PRPF8: variants seen among roughly 807,000 people sequenced by gnomAD.
PRPF8 encodes the protein pre-mRNA-processing-splicing factor 8.
A neutral mutation model predicts 285.9 loss-of-function variants in PRPF8; 64 were observed. The observed-to-expected ratio is 0.22, with a 90% CI of 0.18 to 0.28. PRPF8 has a LOEUF of 0.28. PRPF8 is among the 10% of genes least tolerant of loss of function. The pLI, the probability that PRPF8 is intolerant of heterozygous loss-of-function variation, is 1.00. For synonymous variants in PRPF8, 1,325 were observed against 1,118.2 expected (o/e 1.18, Z -3.69); for missense variants, 1,426 against 3,026.7 (o/e 0.47, Z 12.41).
At position 1,656,505 on chromosome 17, in the gene PRPF8, G is replaced by A; in HGVS notation, c.5680C>T (p.Gln1894Ter). The A allele has an allele frequency of 6.2e-7, 1 of 1,614,190 alleles. No homozygotes were observed. Among genetic ancestry groups the A allele is most frequent in the Non-Finnish European group, 8.5e-7 (1 of 1,180,034 alleles). Residue 1894 changes from glutamine to a stop codon, truncating the protein, a stop_gained, in exon 36 of 43, where the codon CAG becomes TAG. Transcript: ENST00000304992. LOFTEE classifies it high-confidence loss of function. ...IKGSELQLPF[Q>*]ACLKVEKFGD... ...AATTTTTCCACCTTGAGACACGCCT[G>A]GAAAGGGAGTTGGAGCTCCGATCCT...
At chr17:1,681,443 C>A in intron 6 of PRPF8, 35 bp downstream of exon 6, 1 of 1,533,480 alleles carries the variant, frequency 6.5e-7, no homozygotes, top group Non-Finnish European at 9.0e-7. Flanking sequence ...TCATTCAACT[C>A]AAAATGTCTA....
intron 2 of PRPF8, 107 bp downstream of exon 2, chr17:1,684,365 A>C (rs942419939): frequency 1.8e-5 from 19 of 1,062,532 alleles, no homozygotes; most frequent in Non-Finnish European, 2.8e-5. Flanking sequence ...ATAACAAGGG[A>C]GCTGACACCT....
At chr17:1,682,769 C>A (rs1045592302) in intron 3 of PRPF8, among the ~76,000 whole-genome samples, 1 of 152,182 alleles carries the variant, frequency 6.6e-6, no homozygotes, top group African/African-American at 2.4e-5. Flanking sequence ...ACTTCCAGTT[C>A]ATTACATGGC....
Position 1,659,680 on chromosome 17 carries a change from G to GA in PRPF8, c.4947-133dup. On this transcript the variant is annotated intron_variant, in intron 31 of 42. Coordinates refer to ENST00000304992, the MANE Select transcript of PRPF8 (RefSeq NM_006445.4). This position sits in a 1 kb window ranked among gnomAD's most constrained non-coding sequence, Gnocchi z 5.1. ...TGTTCCAGGTCAGCAGGACCCCAGA[G>GA]AATCAGCAGATCTGACTAAGGGTGT... 1 of 1,367,914 alleles carries GA rather than the reference G, an allele frequency of 7.3e-7. No individual in the cohort carries two copies. Among genetic ancestry groups the GA allele is most frequent in the South Asian group, 1.2e-5 (1 of 81,906 alleles). The allele number at this position is 1,367,914 out of a possible 1,614,324, so 84.7% of individuals were successfully genotyped here.
At chr17:1,670,675 T>C (rs1249477183) in intron 24 of PRPF8, among the ~76,000 whole-genome samples, 1 of 152,140 alleles carries the variant, frequency 6.6e-6, no homozygotes, top group Non-Finnish European at 1.5e-5. Flanking sequence ...TAAGTAGAGA[T>C]GGGGTTTCCC....
Position 1,659,509 on chromosome 17 carries a change from A to C in PRPF8, c.4986T>G (p.Ile1662Met). The C allele has an allele frequency of 6.2e-7, 1 of 1,614,046 alleles. No homozygotes were observed. Among genetic ancestry groups the C allele is most frequent in the Non-Finnish European group, 8.5e-7 (1 of 1,180,002 alleles). Residue 1662 changes from isoleucine to methionine, a missense_variant, in exon 32 of 43, where the codon ATT becomes ATG. By Grantham distance (10) the Ile-to-Met change is conservative. Coordinates refer to ENST00000304992, the MANE Select transcript of PRPF8 (RefSeq NM_006445.4). The surrounding 1 kb of genome is among the most constrained non-coding windows in gnomAD (Gnocchi z 5.1). ...AGTCCCCCCAGCGCAACTGGATGTC[A>C]ATCCAGTATTTCTGGGTGGTGGTGC... ...MDSTTTQKYW[I>M]DIQLRWGDYD... is the part of the protein sequence containing the mutation.
rs886052621 is a variant in PRPF8 at position 1,684,802 on chromosome 17, G to A, written c.-34C>T. 10 of 599,186 alleles carry A rather than the reference G, an allele frequency of 1.7e-5. No homozygotes were observed. The highest frequency in any genetic ancestry group is 1.5e-4 in the Admixed American group (5 of 33,912). The allele number at this position is 599,186 out of a possible 1,614,324, so 37.1% of individuals were successfully genotyped here. On this transcript the variant is annotated 5_prime_UTR_variant, in exon 1 of 43. Transcript: ENST00000304992. ...CACCCCACAGGCCCTCACACAAGAG[G>A]CCGCTTTCCCCGCAGCGCAATGGCG...
Position 1,650,840 on chromosome 17 carries a change from C to T in PRPF8, c.6970G>A (p.Glu2324Lys). The change falls in exon 43 of 43, where the codon GAG (glutamate) becomes AAG (lysine). Residue 2324 changes from glutamate (E) to lysine (K), a missense_variant. Glu to Lys is a moderately conservative substitution (Grantham distance 56). Coordinates refer to ENST00000304992, the MANE Select transcript of PRPF8 (RefSeq NM_006445.4). ...FLNFALLQEG[E>K]VYSADREDLY... ...TCCTCCCGATCCGCAGAGTAAACCT[C>T]CCCCTCCTGCAGGAGAGCAAAGTTG... 6.2e-7 allele frequency: 1 copy of T among 1,614,136 alleles called. No individual in the cohort carries two copies. The highest frequency in any genetic ancestry group is 1.7e-5 in the Admixed American group (1 of 60,026).
At position 1,680,743 on chromosome 17, in the gene PRPF8, G is replaced by A; in HGVS notation, c.1081C>T (p.His361Tyr). The change falls in exon 8 of 43, where the codon CAT (histidine) becomes TAT (tyrosine). Residue 361 changes from histidine (H) to tyrosine (Y), a missense_variant. Transcript: ENST00000304992. ...YFDPLINPIS[H>Y]RHSVKSQEPL... ...TTCCTCACCTTGACTGAGTGCCTATGGGAGATTGGGTTGATCAAAGGGTCA... is the reference window on the plus strand; with the variant it reads ...TTCCTCACCTTGACTGAGTGCCTATAGGAGATTGGGTTGATCAAAGGGTCA... 1.2e-6 allele frequency: 2 copies of A among 1,613,234 alleles called. No individual in the cohort carries two copies. Among genetic ancestry groups the A allele is most frequent in the Non-Finnish European group, 1.7e-6 (2 of 1,179,184 alleles).
At chr17:1,682,084 A>AACCACC (rs200119630) in intron 4 of PRPF8, 45 bp downstream of exon 4, 1 of 1,610,224 alleles carries the variant, frequency 6.2e-7, no homozygotes, top group South Asian at 1.1e-5. Context: ...ACTGCCTCCC[A>AACCACC]ACCACCACCA....
chr17:1,655,575 C>G (rs369676589), intron 36 of PRPF8, 32 bp from the exon 37 acceptor site: 75 of 1,563,020 alleles, frequency 4.8e-5, no homozygotes, highest in Non-Finnish European at 6.0e-5. Flanking sequence ...TGGGGTAGGT[C>G]AGCTGCTTGA....
chr17:1,675,537 A>G lies in PRPF8; in HGVS notation c.2872+83T>C, dbSNP rs1912565110. On this transcript the variant is annotated intron_variant, in intron 19 of 42. Coordinates refer to ENST00000304992, the MANE Select transcript of PRPF8 (RefSeq NM_006445.4). This position sits in a 1 kb window ranked among gnomAD's most constrained non-coding sequence, Gnocchi z 6.0. ...CTACCACGCATCAAGAGAGTAAACC[A>G]ATCATGCTACCCAGATGAGATTTTT... 1 of 1,570,852 alleles carries G rather than the reference A, an allele frequency of 6.4e-7. No individual in the cohort carries two copies. The highest frequency in any genetic ancestry group is 1.7e-5 in the Admixed American group (1 of 59,942).
At chr17:1,668,432 GTT>G (rs929227651) in intron 24 of PRPF8, among the ~76,000 whole-genome samples, 1 of 148,162 alleles carries the variant, frequency 6.7e-6, no homozygotes, top group Non-Finnish European at 1.5e-5. Flanking sequence ...CGCGATCTCG[GTT>G]CACTGCAAGC....
Position 1,651,265 on chromosome 17 carries a change from G to A in PRPF8, c.6696C>T (p.Pro2232=), listed in dbSNP as rs760241443. Residue 2232 remains proline (P), a synonymous_variant, in exon 42 of 43, where the codon CCC becomes CCT. Coordinates refer to ENST00000304992, the MANE Select transcript of PRPF8 (RefSeq NM_006445.4). The surrounding 1 kb of genome is among the most constrained non-coding windows in gnomAD (Gnocchi z 5.1). ...TCTGGCGGCCCCATTCGTAGCCACT[G>A]GGGGTCAGCTTGTAGGCCGTCAGTG... The part of the protein sequence containing the change: ...SCTLTAYKLT[P]SGYEWGRQNT... 8 of 1,614,032 alleles carry A rather than the reference G, an allele frequency of 5.0e-6. No individual in the cohort carries two copies. The highest frequency in any genetic ancestry group is 3.3e-5 in the Admixed American group (2 of 60,004).
chr17:1,678,728 C>T (rs995472107), intron 12 of PRPF8, 34 bp downstream of exon 12: 47 of 1,614,026 alleles, frequency 2.9e-5, no homozygotes, highest in Non-Finnish European at 7.6e-6. Context: ...CCAGCGTCCT[C>T]ACCCAGGCAG....
Position 1,679,152 on chromosome 17 carries a change from G to C in PRPF8, c.1464C>G (p.Asp488Glu). ...AAACCTGGAGCCCAACCTCCACCCA[G>C]TCCAGCTTTGTGGACTGAAAGAATT... ...ATKFFQSTKL[D>E]WVEVGLQVCR... Residue 488 changes from aspartate to glutamate, a missense_variant, in exon 11 of 43, where the codon GAC becomes GAG. By Grantham distance (45) the Asp-to-Glu change is conservative. This residue lies in a region of PRPF8 where 10 missense variants were observed against 79.9 expected (regional missense o/e 0.13). Coordinates refer to ENST00000304992, the MANE Select transcript of PRPF8 (RefSeq NM_006445.4). This position sits in a 1 kb window ranked among gnomAD's most constrained non-coding sequence, Gnocchi z 4.7. 6.2e-7 allele frequency: 1 copy of C among 1,614,198 alleles called. No homozygotes were observed. The highest frequency in any genetic ancestry group is 1.6e-4 in the Middle Eastern group (1 of 6,062).
In PRPF8 at chr17:1,681,045, G is replaced by C; in HGVS notation, c.876C>G (p.Asp292Glu). 1 of 1,613,162 alleles carries C rather than the reference G, an allele frequency of 6.2e-7. No homozygotes were observed. The highest frequency in any genetic ancestry group is 8.5e-7 in the Non-Finnish European group (1 of 1,179,438). Residue 292 changes from aspartate to glutamate, a missense_variant, in exon 7 of 43, where the codon GAC becomes GAG. Coordinates refer to ENST00000304992, the MANE Select transcript of PRPF8 (RefSeq NM_006445.4). Reference sequence around the variant, plus strand: ...TGTTAATATCATTGAATTCATTCCAGTCTTCATCCCTAGGGTACAACATCA... The same window carrying C: ...TGTTAATATCATTGAATTCATTCCACTCTTCATCCCTAGGGTACAACATCA... ...LVRDINLQDEDWNEFNDINKI... is the reference protein window; with the variant it reads ...LVRDINLQDEEWNEFNDINKI...
In PRPF8 at chr17:1,673,459, C is replaced by T. The variant is rs1298282839; in HGVS notation, c.3555G>A (p.Leu1185=). The T allele has an allele frequency of 1.9e-6, 3 of 1,614,066 alleles. No individual in the cohort carries two copies. In the African/African-American group the frequency reaches 4.0e-5, roughly 22 times the overall value. Residue 1185 remains leucine, a synonymous_variant, in exon 23 of 43, where the codon CTG becomes CTA. Coordinates refer to ENST00000304992, the MANE Select transcript of PRPF8 (RefSeq NM_006445.4). This position sits in a 1 kb window ranked among gnomAD's most constrained non-coding sequence, Gnocchi z 5.5. ...ACTCGAAGCCACACATGTTGAACAG[C>T]AGGTTGGGGTTGTCCTTACTGTACA... ...VSVYSKDNPN[L]LFNMCGFECR...
intron 3 of PRPF8, 162 bp downstream of exon 3, chr17:1,683,371 G>A: frequency 1.3e-6 from 1 of 791,756 alleles, no homozygotes; most frequent in East Asian, 2.7e-5. Context: ...GAAACAGACT[G>A]CAAAAGTGGA....
Sources: allele counts gnomAD v4.1 joint callset (sites outside exome capture counted in the v4.1 genomes callset), GRCh38; gene constraint gnomAD v4.1.1; regional missense constraint gnomAD v4.1.1; non-coding constraint Gnocchi (gnomAD v3.1); transcripts MANE v1.5; gene names NCBI Gene and HGNC (gene_info 2026-07-23, HGNC 2026-07-21).